The following AQP9 variants were observed in gnomAD, a reference collection of about 807,000 sequenced individuals.
AQP9 encodes the protein aquaporin-9.
A neutral mutation model predicts 23.8 loss-of-function variants in AQP9; 19 were observed. That is an observed-to-expected ratio of 0.80 (90% confidence interval 0.56 to 1.17). AQP9 has a LOEUF of 1.17. AQP9 is among the 50% of genes most tolerant of loss of function. The probability of loss-of-function intolerance (pLI) is 0.00; values close to 1 mark genes in which losing one functional copy is unlikely to be tolerated. For synonymous variants in AQP9, 153 were observed against 131.5 expected, an observed-to-expected ratio of 1.16 and a Z score of -1.12; for missense variants, 413 against 362.0, an observed-to-expected ratio of 1.14 and a Z score of -1.14.
rs764860980 is a variant in AQP9, at chr15:58,173,149, G to A, written c.320G>A (p.Gly107Glu). The change falls in exon 3 of 6, where the codon GGA (glycine) becomes GAA (glutamate). Residue 107 changes from glycine to glutamate, a missense_variant. Physicochemically the swap from Gly to Glu is moderately conservative, Grantham distance 98 (BLOSUM62 -2). Coordinates refer to ENST00000219919, the MANE Select transcript of AQP9 (RefSeq NM_020980.5). ...MKWFKLPFYVGAQFLGAFVGA... is the reference protein window; with the variant it reads ...MKWFKLPFYVEAQFLGAFVGA... The stretch of plus-strand genomic sequence containing the variant: ...TGGTTCAAATTGCCATTTTATGTGG[G>A]AGCCCAGTTCTTGGGAGCCTTTGTG... The A allele has an allele frequency of 1.2e-6, 2 of 1,614,154 alleles. No homozygotes were observed. The highest frequency in any genetic ancestry group is 8.5e-7 in the Non-Finnish European group (1 of 1,180,022).
At chr15:58,177,926 T>C (rs1566990786) in intron 4 of AQP9, among the ~76,000 whole-genome samples, 1 of 152,216 alleles carries the variant, frequency 6.6e-6, no homozygotes, top group African/African-American at 2.4e-5. Flanking sequence ...ACCCTACATA[T>C]CCATGAATTC....
At position 58,184,138 on chromosome 15, in the gene AQP9, G is replaced by T. The variant is rs778181894; in HGVS notation, c.*3G>T. ...ATGAACTCAGTGTCATCATGTAGTGGCATGCTCAGCTCTGGATTTGCAGTC... is the reference window on the plus strand; with the variant it reads ...ATGAACTCAGTGTCATCATGTAGTGTCATGCTCAGCTCTGGATTTGCAGTC... On this transcript the variant is annotated 3_prime_UTR_variant, in exon 6 of 6. Transcript: ENST00000219919. The T allele has an allele frequency of 1.2e-6, 2 of 1,613,078 alleles. No homozygotes were observed. Among genetic ancestry groups the T allele is most frequent in the Non-Finnish European group, 1.7e-6 (2 of 1,179,318 alleles).
chr15:58,159,728 GCT>G (rs1273025246), intron 1 of AQP9, among the ~76,000 whole-genome samples: 3 of 151,906 alleles, frequency 2.0e-5, no homozygotes, highest in African/African-American at 7.3e-5. Flanking sequence ...CACTTTTTTA[GCT>G]CTCACATAAA....
chr15:58,141,996 CAGG>C (rs1330517786), intron 1 of AQP9, among the ~76,000 whole-genome samples: 1 of 152,158 alleles, frequency 6.6e-6, no homozygotes, highest in East Asian at 1.9e-4. Context: ...CAGGTACTGG[CAGG>C]AGAGCTCTGA....
intron 1 of AQP9, among the ~76,000 whole-genome samples, chr15:58,162,559 G>A (rs1898405822): frequency 6.6e-6 from 1 of 152,178 alleles, no homozygotes; most frequent in Admixed American, 6.5e-5. Context: ...ATGTTGTAGG[G>A]AGAATGCCTG....
intron 1 of AQP9, among the ~76,000 whole-genome samples, chr15:58,145,215 C>T (rs1898023312): frequency 6.6e-6 from 1 of 151,644 alleles, no homozygotes; most frequent in Non-Finnish European, 1.5e-5. Context: ...AACGTATTTA[C>T]CCTTAGGCTG....
chr15:58,174,608 A>C (rs2414548), intron 3 of AQP9, among the ~76,000 whole-genome samples: 1 of 152,158 alleles, frequency 6.6e-6, no homozygotes, highest in Non-Finnish European at 1.5e-5. Context: ...ACTTTGGCTT[A>C]CAGTTGACCT....
chr15:58,159,995 T>G lies in AQP9; in HGVS notation c.112-6678T>G, dbSNP rs997629494. Among the ~76,000 whole-genome samples, 7 of 152,180 alleles carry G rather than the reference T, an allele frequency of 4.6e-5. No homozygotes were observed. The East Asian group carries it at 1.3e-3, about 29-fold the overall frequency. On this transcript the variant is annotated intron_variant, in intron 1 of 5. Transcript: ENST00000219919. ...AGAGTGCAGACAGCTCTTCAACATA[T>G]TGATTTTATTTCTTTTGGATACATG...
At chr15:58,143,226 A>C (rs1202767472) in intron 1 of AQP9, among the ~76,000 whole-genome samples, 1 of 152,196 alleles carries the variant, frequency 6.6e-6, no homozygotes, top group African/African-American at 2.4e-5. Flanking sequence ...CTGAGGTTCT[A>C]AATCTGAACA....
Position 58,185,600 on chromosome 15 carries a change from G to A in AQP9, c.*1465G>A, listed in dbSNP as rs577919514. 6.6e-6 allele frequency: 1 copy of A among 152,170 alleles called. No individual in the cohort carries two copies. Among genetic ancestry groups the A allele is most frequent in the Non-Finnish European group, 1.5e-5 (1 of 68,044 alleles). 9.4% of individuals were successfully genotyped at this position (152,170 alleles called of 1,614,324 possible). A position where few individuals can be genotyped will look rare whatever the true frequency, so the allele number is the denominator to read the frequency against. ...ACATTACATTCAGGGGATTTCCTCT[G>A]GCTCAGTCTTTTCCCCTTGAAGTTC... On this transcript the variant is annotated 3_prime_UTR_variant, in exon 6 of 6. Coordinates refer to ENST00000219919, the MANE Select transcript of AQP9 (RefSeq NM_020980.5).
At chr15:58,176,706 G>A (rs1192924993) in intron 4 of AQP9, among the ~76,000 whole-genome samples, 1 of 150,852 alleles carries the variant, frequency 6.6e-6, no homozygotes, top group Admixed American at 6.6e-5. Flanking sequence ...CACCTCCCAG[G>A]TTCAAGCAAT....
At chr15:58,182,728 A>C (rs1398284929) in intron 5 of AQP9, among the ~76,000 whole-genome samples, 4 of 152,156 alleles carry the variant, frequency 2.6e-5, no homozygotes, top group Non-Finnish European at 4.4e-5. Context: ...CCGTGTGGTA[A>C]GAGTGACATC....
chr15:58,170,162 G>A (rs1368439804), intron 2 of AQP9, among the ~76,000 whole-genome samples: 1 of 152,100 alleles, frequency 6.6e-6, no homozygotes, highest in South Asian at 2.1e-4. Flanking sequence ...CTTGTGATAA[G>A]CCAGGGTGAC....
chr15:58,138,376 C>A, upstream of AQP9: 1 of 510,810 alleles, frequency 2.0e-6, no homozygotes, highest in Non-Finnish European at 3.5e-6. Context: ...CAGGGAATGA[C>A]AGTTCCACCA....
intron 1 of AQP9, among the ~76,000 whole-genome samples, chr15:58,139,726 T>G (rs544980010): frequency 1.4e-3 from 219 of 152,310 alleles, no homozygotes; most frequent in African/African-American, 5.1e-3. Context: ...CTCAAAAAAT[T>G]GAACTAGTGG....
chr15:58,159,428 T>C (rs1252740542), intron 1 of AQP9, among the ~76,000 whole-genome samples: 1 of 152,178 alleles, frequency 6.6e-6, no homozygotes, highest in African/African-American at 2.4e-5. Flanking sequence ...TGGGACATTT[T>C]AACACATTCA....
chr15:58,144,948 A>G (rs1196597991), intron 1 of AQP9, among the ~76,000 whole-genome samples: 3 of 135,840 alleles, frequency 2.2e-5, no homozygotes, highest in African/African-American at 8.2e-5. Context: ...CGGAAGGTGG[A>G]GGTTGCAGTG....
At chr15:58,162,737 T>G (rs1412131293) in intron 1 of AQP9, among the ~76,000 whole-genome samples, 2 of 152,150 alleles carry the variant, frequency 1.3e-5, no homozygotes, top group African/African-American at 2.4e-5. Flanking sequence ...GAGAAGCCAT[T>G]TGTAAGCCCC....
At chr15:58,161,993 CA>C (rs767840564) in intron 1 of AQP9, among the ~76,000 whole-genome samples, 158 of 152,192 alleles carry the variant, frequency 1.0e-3, no homozygotes, top group Admixed American at 2.6e-3. Flanking sequence ...AAAAGTTCAA[CA>C]TATTATCTTG....
Sources: allele counts gnomAD v4.1 joint callset (sites outside exome capture counted in the v4.1 genomes callset), GRCh38; gene constraint gnomAD v4.1.1; transcripts MANE v1.5; gene names NCBI Gene and HGNC (gene_info 2026-07-23, HGNC 2026-07-21).